Variants in RBPMS2 observed in about 807,000 individuals in gnomAD.
The protein encoded by RBPMS2 is RNA binding protein, mRNA processing factor 2.
In RBPMS2, 14 loss-of-function variants were observed where a neutral mutation model predicts 25.7. The ratio of observed to expected loss-of-function variants is 0.55; its 90% CI spans 0.36 to 0.85. RBPMS2 has a LOEUF of 0.85. RBPMS2 is among the 40% of genes least tolerant of loss of function. The probability of loss-of-function intolerance (pLI) is 0.01; values close to 1 mark genes in which losing one functional copy is unlikely to be tolerated. For missense variants in RBPMS2, 252 were observed against 283.4 expected (o/e 0.89, Z 0.80); for synonymous variants, 127 against 115.6 (o/e 1.10, Z -0.63).
At chr15:64,771,437 C>G (rs1034590148) in intron 1 of RBPMS2, among the ~76,000 whole-genome samples, 1 of 152,202 alleles carries the variant, frequency 6.6e-6, no homozygotes. Flanking sequence ...AATCTCAGCA[C>G]TTTGGGAGGC....
chr15:64,746,829 G>C (rs1278985337), intron 6 of RBPMS2, among the ~76,000 whole-genome samples: 1 of 152,202 alleles, frequency 6.6e-6, no homozygotes, highest in African/African-American at 2.4e-5. Context: ...ACAGAGGTGA[G>C]GATCATGTAG....
intron 1 of RBPMS2, among the ~76,000 whole-genome samples, chr15:64,766,212 C>T (rs1400669040): frequency 6.6e-6 from 1 of 152,168 alleles, no homozygotes; most frequent in African/African-American, 2.4e-5. Context: ...AGCCTCTGCT[C>T]AGTTGGCCGT....
At position 64,740,896 on chromosome 15, in the gene RBPMS2, T is replaced by C; in HGVS notation, c.*112A>G. The C allele has an allele frequency of 1.7e-5, 6 of 350,184 alleles. No homozygotes were observed. In the South Asian group the frequency reaches 2.0e-4, roughly 12 times the overall value. The allele number at this position is 350,184 out of a possible 1,614,324, so 21.7% of individuals were successfully genotyped here. A position where few individuals can be genotyped will look rare whatever the true frequency, so the allele number is the denominator to read the frequency against. On this transcript the variant is annotated 3_prime_UTR_variant, in exon 8 of 8. Transcript: ENST00000300069. ...AGTCAGGCTTGGGATTCACAGTCTC[T>C]GGAGGGCAGCAGCTCTGTGCAGGCC... is the stretch of plus-strand genomic sequence containing the variant.
chr15:64,768,830 G>C (rs547795731), intron 1 of RBPMS2, among the ~76,000 whole-genome samples: 2 of 147,876 alleles, frequency 1.4e-5, no homozygotes, highest in South Asian at 2.1e-4. Flanking sequence ...GCCGGGCGCC[G>C]TGGCTCATGT....
chr15:64,747,004 G>A (rs762376357), intron 6 of RBPMS2, among the ~76,000 whole-genome samples: 11 of 152,082 alleles, frequency 7.2e-5, no homozygotes, highest in Non-Finnish European at 1.6e-4. Flanking sequence ...CCTGCTCCCC[G>A]CTCTATTCCA....
At chr15:64,749,926 T>C (rs959407772) in intron 3 of RBPMS2, among the ~76,000 whole-genome samples, 8 of 152,100 alleles carry the variant, frequency 5.3e-5, no homozygotes, top group African/African-American at 1.9e-4. Context: ...CCAACTTCAT[T>C]TTCCCAAGGA....
chr15:64,749,585 G>A, intron 3 of RBPMS2, 92 bp from the exon 4 acceptor site: 1 of 1,172,860 alleles, frequency 8.5e-7, no homozygotes, highest in Non-Finnish European at 1.2e-6. Context: ...TCATCTATGT[G>A]GAAACAGTAT....
chr15:64,749,655 C>T (rs1464804752), intron 3 of RBPMS2, among the ~76,000 whole-genome samples, 162 bp from the exon 4 acceptor site: 4 of 152,186 alleles, frequency 2.6e-5, no homozygotes, highest in African/African-American at 4.8e-5. Flanking sequence ...AGCCCACATC[C>T]TCCCTGTTCA....
At chr15:64,752,996 T>C (rs2083697009) in intron 1 of RBPMS2, among the ~76,000 whole-genome samples, 1 of 152,208 alleles carries the variant, frequency 6.6e-6, no homozygotes, top group Non-Finnish European at 1.5e-5. Flanking sequence ...CTGTAGCCAC[T>C]GCTGCTATTT....
At chr15:64,754,880 C>T (rs1044538860) in intron 1 of RBPMS2, among the ~76,000 whole-genome samples, 3 of 152,166 alleles carry the variant, frequency 2.0e-5, no homozygotes, top group South Asian at 2.1e-4. Context: ...CAGCCACCAG[C>T]GTCCTGATGG....
chr15:64,749,586 G>C lies in RBPMS2; in HGVS notation c.205-93C>G, dbSNP rs1019207835. On this transcript the variant is annotated intron_variant, in intron 3 of 7. Coordinates refer to ENST00000300069, the MANE Select transcript of RBPMS2 (RefSeq NM_194272.3). The stretch of plus-strand genomic sequence containing the variant: ...ACAAAAAAAGAGTATCATCTATGTG[G>C]AAACAGTATTTGCCCTGCTGATGAG... 7 of 1,165,646 alleles carry C rather than the reference G, an allele frequency of 6.0e-6. No individual in the cohort carries two copies. The African/African-American group carries it at 1.1e-4, about 18-fold the overall frequency. 72.2% of individuals were successfully genotyped at this position (1,165,646 alleles called of 1,614,324 possible).
chr15:64,759,973 T>C (rs1243603781), intron 1 of RBPMS2, among the ~76,000 whole-genome samples: 1 of 152,196 alleles, frequency 6.6e-6, no homozygotes, highest in Non-Finnish European at 1.5e-5. Context: ...GCGCCAGGCC[T>C]ACTCGGCCTG....
rs1011790220 is a variant in RBPMS2 at position 64,775,236 on chromosome 15, C to T, written c.84G>A (p.Glu28=). The change falls in exon 1 of 8, where the codon GAG becomes GAA. Residue 28 remains glutamate (E), a synonymous_variant. Coordinates refer to ENST00000300069, the MANE Select transcript of RBPMS2 (RefSeq NM_194272.3). ...AGTCCCGGGGCCACAGACCCACCTCCTCCTCCAGGGCGCCGCCGGAGCCCG... is the reference window on the plus strand; with the variant it reads ...AGTCCCGGGGCCACAGACCCACCTCTTCCTCCAGGGCGCCGCCGGAGCCCG... ...SGAGSGGALE[E]EVRTLFVSGL... The T allele has an allele frequency of 2.3e-6, 3 of 1,301,152 alleles. No homozygotes were observed. Among genetic ancestry groups the T allele is most frequent in the Non-Finnish European group, 2.9e-6 (3 of 1,022,452 alleles). The allele number at this position is 1,301,152 out of a possible 1,614,324, so 80.6% of individuals were successfully genotyped here. A position where few individuals can be genotyped will look rare whatever the true frequency, so the allele number is the denominator to read the frequency against.
chr15:64,746,153 G>A (rs2083616811), intron 6 of RBPMS2, among the ~76,000 whole-genome samples: 1 of 152,144 alleles, frequency 6.6e-6, no homozygotes, highest in Non-Finnish European at 1.5e-5. Flanking sequence ...TTACTATTGA[G>A]GAAAGGGCTG....
intron 1 of RBPMS2, among the ~76,000 whole-genome samples, chr15:64,760,899 A>G (rs1233939991): frequency 6.6e-6 from 1 of 151,940 alleles, no homozygotes; most frequent in Non-Finnish European, 1.5e-5. Context: ...GCCCACAGAC[A>G]ACCCACCAAC....
Position 64,775,338 on chromosome 15 carries a change from G to T in RBPMS2, c.-19C>A. 1 of 1,264,292 alleles carries T rather than the reference G, an allele frequency of 7.9e-7. No homozygotes were observed. The highest frequency in any genetic ancestry group is 1.0e-6 in the Non-Finnish European group (1 of 998,556). The allele number at this position is 1,264,292 out of a possible 1,614,324, so 78.3% of individuals were successfully genotyped here. On this transcript the variant is annotated 5_prime_UTR_variant, in exon 1 of 8. Coordinates refer to ENST00000300069, the MANE Select transcript of RBPMS2 (RefSeq NM_194272.3). ...TGCTCATGGTGCGGGGGAGGGGGCG[G>T]CGGGAAGGAACGCGAGGGCGAGCGC... is the stretch of plus-strand genomic sequence containing the variant.
chr15:64,775,044 G>A (rs1423086791), intron 1 of RBPMS2, among the ~76,000 whole-genome samples, 189 bp downstream of exon 1: 7 of 150,858 alleles, frequency 4.6e-5, no homozygotes, highest in South Asian at 2.1e-4. Flanking sequence ...CTGTCCGGCG[G>A]GGCAGTCCAG....
intron 1 of RBPMS2, among the ~76,000 whole-genome samples, chr15:64,752,260 C>CA (rs2083689573): frequency 6.6e-6 from 1 of 152,002 alleles, no homozygotes; most frequent in South Asian, 2.1e-4. Context: ...GCCCCTCAGA[C>CA]AAAAAAGTAT....
chr15:64,741,094 G>A, intron 7 of RBPMS2, 79 bp downstream of exon 7: 10 of 1,135,076 alleles, frequency 8.8e-6, no homozygotes, highest in Non-Finnish European at 1.3e-5. Flanking sequence ...TTGAGACCCG[G>A]GGCAGAGGGA....
Sources: gnomAD v4.1 joint callset for allele counts (sites outside exome capture counted in the v4.1 genomes callset) on GRCh38, gnomAD v4.1.1 for gene constraint, MANE v1.5 for transcripts, NCBI Gene and HGNC (gene_info 2026-07-23, HGNC 2026-07-21) for gene names.